TMPRSS11B: variants seen among roughly 807,000 people sequenced by gnomAD.
The protein encoded by TMPRSS11B is transmembrane serine protease 11B.
TMPRSS11B carries 53 observed loss-of-function variants against 44.7 expected under a neutral mutation model. The observed-to-expected ratio is 1.19, with a 90% CI of 0.95 to 1.49. The LOEUF (loss-of-function observed/expected upper bound fraction) is 1.49. TMPRSS11B is among the 40% of genes most tolerant of loss of function. TMPRSS11B has a pLI of 0.00. For synonymous variants in TMPRSS11B, 140 were observed against 159.2 expected (o/e 0.88, Z 0.91); for missense variants, 526 against 494.8 (o/e 1.06, Z -0.60).
At chr4:68,234,847 C>G (rs1379260830) in intron 4 of TMPRSS11B, among the ~76,000 whole-genome samples, 6 of 152,222 alleles carry the variant, frequency 3.9e-5, no homozygotes, top group Admixed American at 3.3e-4. Flanking sequence ...AGACCACAAA[C>G]TAAAATCAGA....
At position 68,236,089 on chromosome 4, in the gene TMPRSS11B, A is replaced by G; in HGVS notation, c.241-20T>C. 1 of 1,576,502 alleles carries G rather than the reference A, an allele frequency of 6.3e-7. No homozygotes were observed. The highest frequency in any genetic ancestry group is 8.6e-7 in the Non-Finnish European group (1 of 1,158,522). On this transcript the variant is annotated intron_variant, in intron 3 of 9. Coordinates refer to ENST00000332644, the MANE Select transcript of TMPRSS11B (RefSeq NM_182502.3). The stretch of plus-strand genomic sequence containing the variant: ...TAACATCTGACAAGAGAAAAAAAAC[A>G]GTCATCATGTATGTTTCAATCAAAT...
chr4:68,231,414 A>G, intron 6 of TMPRSS11B, 34 bp from the exon 7 acceptor site: 2 of 1,522,288 alleles, frequency 1.3e-6, no homozygotes, highest in South Asian at 2.4e-5. Context: ...GAGAGCAGGT[A>G]TCTTTGATTA....
In TMPRSS11B at chr4:68,229,253, T is replaced by C. The variant is rs760943767; in HGVS notation, c.946+4A>G. On this transcript the variant is annotated splice_donor_region_variant and intron_variant, in intron 8 of 9. Coordinates refer to ENST00000332644, the MANE Select transcript of TMPRSS11B (RefSeq NM_182502.3). ...AGCTATTATGATTTTACAAAAAAAC[T>C]TACCATTCATATAAAGTGTTCCCCA... 1.3e-6 allele frequency: 2 copies of C among 1,583,304 alleles called. No homozygotes were observed. Among genetic ancestry groups the C allele is most frequent in the Non-Finnish European group, 1.7e-6 (2 of 1,165,830 alleles).
At chr4:68,242,234 A>C (rs1453894025) in intron 1 of TMPRSS11B, among the ~76,000 whole-genome samples, 1 of 72,812 alleles carries the variant, frequency 1.4e-5, no homozygotes, top group South Asian at 3.1e-4. Context: ...ATTATATTAT[A>C]TATATTATAT....
Position 68,228,979 on chromosome 4 carries a change from C to G in TMPRSS11B, c.947-95G>C, listed in dbSNP as rs906757918. ...GCATAAAGCAGACTCTCTTGGTCACCAAGAGTCAGGCCAGTCCCAGGTTAG... is the reference window on the plus strand; with the variant it reads ...GCATAAAGCAGACTCTCTTGGTCACGAAGAGTCAGGCCAGTCCCAGGTTAG... On this transcript the variant is annotated intron_variant, in intron 8 of 9. Coordinates refer to ENST00000332644, the MANE Select transcript of TMPRSS11B (RefSeq NM_182502.3). 1.0e-5 allele frequency: 14 copies of G among 1,362,004 alleles called. No homozygotes were observed. In the African/African-American group the frequency reaches 1.6e-4, roughly 16 times the overall value. The allele number at this position is 1,362,004 out of a possible 1,614,324, so 84.4% of individuals were successfully genotyped here.
chr4:68,241,341 T>C (rs1263237226), intron 2 of TMPRSS11B, among the ~76,000 whole-genome samples: 1 of 152,138 alleles, frequency 6.6e-6, no homozygotes, highest in African/African-American at 2.4e-5. Flanking sequence ...AATAGCAGAA[T>C]TGAACCAAGA....
At chr4:68,242,207 A>T (rs1719845103) in intron 1 of TMPRSS11B, among the ~76,000 whole-genome samples, 1 of 41,308 alleles carries the variant, frequency 2.4e-5, no homozygotes, top group South Asian at 1.0e-3. Context: ...AATATAATAT[A>T]ATATATATAA....
At chr4:68,236,394 A>G (rs1472207657) in intron 2 of TMPRSS11B, 128 bp from the exon 3 acceptor site, 1 of 617,194 alleles carries the variant, frequency 1.6e-6, no homozygotes. Flanking sequence ...TGCCTCAACC[A>G]TTTATACCTC....
chr4:68,231,319 G>A lies in TMPRSS11B; in HGVS notation c.570C>T (p.Ser190=), dbSNP rs1178303041. 1 of 1,613,902 alleles carries A rather than the reference G, an allele frequency of 6.2e-7. No individual in the cohort carries two copies. The highest frequency in any genetic ancestry group is 8.5e-7 in the Non-Finnish European group (1 of 1,179,876). ...ITGNKIVNGK[S]SLEGAWPWQA... ...GCCATGGCCATGCCCCCTCCAGGGA[G>A]CTTTTTCCATTCACAATTTTGTTGC... The change falls in exon 7 of 10, where the codon AGC becomes AGT. Residue 190 remains serine, a synonymous_variant. Coordinates refer to ENST00000332644, the MANE Select transcript of TMPRSS11B (RefSeq NM_182502.3).
At chr4:68,243,656 CAT>C (rs919763725) in intron 1 of TMPRSS11B, among the ~76,000 whole-genome samples, 1 of 152,100 alleles carries the variant, frequency 6.6e-6, no homozygotes. Context: ...TATTGGATAA[CAT>C]GTTTCTTTTA....
At chr4:68,232,303 G>T (rs1038209436) in intron 6 of TMPRSS11B, 75 bp downstream of exon 6, 1 of 1,379,400 alleles carries the variant, frequency 7.2e-7, no homozygotes. Context: ...CATATTTCAA[G>T]TATTTTTAAT....
At chr4:68,232,318 AAAT>A (rs1214843501) in intron 6 of TMPRSS11B, 57 bp downstream of exon 6, 3 of 1,512,570 alleles carry the variant, frequency 2.0e-6, no homozygotes, top group African/African-American at 2.8e-5. Flanking sequence ...TTTAATAGAA[AAAT>A]AATGAGAAAA....
At chr4:68,238,403 C>T (rs964375010) in intron 2 of TMPRSS11B, among the ~76,000 whole-genome samples, 6 of 151,956 alleles carry the variant, frequency 3.9e-5, no homozygotes, top group East Asian at 1.9e-4. Flanking sequence ...ATATTTAGCC[C>T]GCTGGGATTT....
chr4:68,235,548 T>C (rs746326020), intron 4 of TMPRSS11B, among the ~76,000 whole-genome samples: 1 of 152,194 alleles, frequency 6.6e-6, no homozygotes, highest in Non-Finnish European at 1.5e-5. Context: ...TGTCTTAAAA[T>C]ATTGTCTTTG....
At chr4:68,241,303 G>C (rs1398027671) in intron 2 of TMPRSS11B, among the ~76,000 whole-genome samples, 1 of 152,014 alleles carries the variant, frequency 6.6e-6, no homozygotes, top group East Asian at 1.9e-4. Context: ...ATTTTTCATT[G>C]CTACTTATTC....
At chr4:68,236,337 C>T in intron 2 of TMPRSS11B, 71 bp from the exon 3 acceptor site, 1 of 900,040 alleles carries the variant, frequency 1.1e-6, no homozygotes, top group South Asian at 1.6e-5. Flanking sequence ...ATTTATACCT[C>T]TGCCTCAACA....
rs1226772553 is a variant in TMPRSS11B, at chr4:68,226,876, T to A, written c.*1035A>T. On this transcript the variant is annotated 3_prime_UTR_variant, in exon 10 of 10. Transcript: ENST00000332644. ...GCAAACAAATGACAAAAGGTGAATA[T>A]GAAGACAATGGAAAATGTTATATAA... is the stretch of plus-strand genomic sequence containing the variant. The A allele has an allele frequency of 6.6e-6, 1 of 152,218 alleles. No homozygotes were observed. Among genetic ancestry groups the A allele is most frequent in the Non-Finnish European group, 1.5e-5 (1 of 68,028 alleles). 9.4% of individuals were successfully genotyped at this position (152,218 alleles called of 1,614,324 possible).
chr4:68,226,752 A>G lies in TMPRSS11B; in HGVS notation c.*1159T>C, dbSNP rs1719362639. On this transcript the variant is annotated 3_prime_UTR_variant, in exon 10 of 10. Transcript: ENST00000332644. The stretch of plus-strand genomic sequence containing the variant: ...ATAAGGTAAATTATTTGTAGAGATT[A>G]CAAAGTTAGCCATCCATATGATTGC... 6.6e-6 allele frequency: 1 copy of G among 152,242 alleles called. No individual in the cohort carries two copies. Among genetic ancestry groups the G allele is most frequent in the African/African-American group, 2.4e-5 (1 of 41,462 alleles). 9.4% of individuals were successfully genotyped at this position (152,242 alleles called of 1,614,324 possible).
At chr4:68,242,558 A>T (rs34174148) in intron 1 of TMPRSS11B, among the ~76,000 whole-genome samples, 1 of 145,778 alleles carries the variant, frequency 6.9e-6, no homozygotes, top group Admixed American at 7.1e-5. Context: ...CTTTTTTTTA[A>T]TTTTCTTTCT....
Sources: gnomAD v4.1 joint callset for allele counts (sites outside exome capture counted in the v4.1 genomes callset) on GRCh38, gnomAD v4.1.1 for gene constraint, MANE v1.5 for transcripts, NCBI Gene and HGNC (gene_info 2026-07-23, HGNC 2026-07-21) for gene names.